Variants in SH3TC2 observed in about 807,000 individuals in gnomAD.
SH3TC2 encodes the protein SH3 domain and tetratricopeptide repeat-containing protein 2.
SH3TC2 carries 87 observed loss-of-function variants against 124.5 expected under a neutral mutation model. The ratio of observed to expected loss-of-function variants is 0.70; its 90% CI spans 0.59 to 0.84. The LOEUF (loss-of-function observed/expected upper bound fraction) is 0.84. SH3TC2 is among the 40% of genes least tolerant of loss of function. The pLI, the probability that SH3TC2 is intolerant of heterozygous loss-of-function variation, is 0.00. For missense variants in SH3TC2, 1,536 were observed against 1,566.4 expected, an observed-to-expected ratio of 0.98 and a Z score of 0.33; for synonymous variants, 634 against 628.5, an observed-to-expected ratio of 1.01 and a Z score of -0.13.
At chr5:149,031,030 C>G (rs1173889789) in intron 9 of SH3TC2, among the ~76,000 whole-genome samples, 1 of 152,176 alleles carries the variant, frequency 6.6e-6, no homozygotes, top group Admixed American at 6.5e-5. Context: ...ACTAACACAC[C>G]CAACAACTCA....
chr5:149,019,922 G>C (rs1753939419), intron 12 of SH3TC2, among the ~76,000 whole-genome samples: 1 of 152,154 alleles, frequency 6.6e-6, no homozygotes, highest in Non-Finnish European at 1.5e-5. Context: ...AACTGTTACT[G>C]TTTGATCTGT....
chr5:149,028,700 T>C lies in SH3TC2; in HGVS notation c.1154A>G (p.Gln385Arg). 1 of 1,614,204 alleles carries C rather than the reference T, an allele frequency of 6.2e-7. No individual in the cohort carries two copies. The highest frequency in any genetic ancestry group is 8.5e-7 in the Non-Finnish European group (1 of 1,180,034). ...ACCACTCAGATCATTTGGAGGATTC[T>C]GGATGGATTCAAACCCACCTAAGTA... ...VYRLSGFESI[Q>R]NPPNDLSASQ... is the part of the protein sequence containing the mutation. The change falls in exon 10 of 17, where the codon CAG becomes CGG. Residue 385 changes from glutamine (Q) to arginine (R), a missense_variant. Gln to Arg is a conservative substitution (Grantham distance 43, BLOSUM62 1). Around this residue, in one of 3 missense-constraint regions of SH3TC2, gnomAD observed 1,102 missense variants for 1,098.6 expected, o/e 1.00. Coordinates refer to ENST00000515425, the MANE Select transcript of SH3TC2 (RefSeq NM_024577.4).
At chr5:149,020,628 A>G (rs1230496926) in intron 12 of SH3TC2, among the ~76,000 whole-genome samples, 1 of 152,224 alleles carries the variant, frequency 6.6e-6, no homozygotes. Context: ...AAAAGTATAG[A>G]CCACATTAAC....
At chr5:149,044,060 G>T (rs114348392) in intron 4 of SH3TC2, 2,855 of 172,336 alleles carry the variant, frequency 0.017, 34 homozygotes, top group Non-Finnish European at 0.024. Context: ...TGCAGCCTTA[G>T]GTTGCTATAA....
In SH3TC2 at chr5:149,008,989, G is replaced by C. The variant is rs757935041; in HGVS notation, c.3340C>G (p.Pro1114Ala). 11 of 1,614,052 alleles carry C rather than the reference G, an allele frequency of 6.8e-6. No individual in the cohort carries two copies. The highest frequency in any genetic ancestry group is 9.3e-6 in the Non-Finnish European group (11 of 1,180,044). ...ACCGCCTTCAACCTCCTTGCTAAAG[G>C]AACAGCTCCAGCCTAGGAACAGAAG... is the stretch of plus-strand genomic sequence containing the variant. ...AVEYYRAGAV[P>A]LARRLKAVRT... Residue 1114 changes from proline (P) to alanine (A), a missense_variant, in exon 15 of 17, where the codon CCT becomes GCT. By Grantham distance (27) the Pro-to-Ala change is conservative. Transcript: ENST00000515425.
intron 1 of SH3TC2, chr5:149,062,478 ACT>A: frequency 2.1e-6 from 1 of 473,638 alleles, no homozygotes. Flanking sequence ...TGATGCACAC[ACT>A]CACACATGCA....
intron 4 of SH3TC2, among the ~76,000 whole-genome samples, chr5:149,043,285 C>A (rs1436907003): frequency 1.3e-5 from 2 of 152,166 alleles, no homozygotes; most frequent in Non-Finnish European, 2.9e-5. Flanking sequence ...CAGTGAATTT[C>A]AGGAGTCAGG....
At chr5:149,030,675 G>A (rs570536105) in intron 9 of SH3TC2, among the ~76,000 whole-genome samples, 7 of 152,356 alleles carry the variant, frequency 4.6e-5, no homozygotes, top group Middle Eastern at 3.4e-3. Context: ...CTTTATGCAC[G>A]GACATAGCTC....
intron 1 of SH3TC2, 44 bp from the exon 2 acceptor site, chr5:149,052,284 G>T: frequency 6.8e-7 from 1 of 1,467,220 alleles, no homozygotes; most frequent in Non-Finnish European, 9.5e-7. Flanking sequence ...GTGTAAGGAA[G>T]TTGAAAGCAA....
intron 1 of SH3TC2, among the ~76,000 whole-genome samples, chr5:149,062,152 T>C (rs894500512): frequency 2.0e-5 from 3 of 151,962 alleles, no homozygotes; most frequent in Non-Finnish European, 4.4e-5. Context: ...CTAACAAGGG[T>C]TAGGAATGAT....
At chr5:149,006,839 T>C (rs528264910) in intron 16 of SH3TC2, 42 bp downstream of exon 16, 20 of 1,585,000 alleles carry the variant, frequency 1.3e-5, no homozygotes, top group Non-Finnish European at 1.7e-5. Flanking sequence ...GGAGAATGGT[T>C]GGGTGGTGGC....
At chr5:149,007,219 G>T in intron 15 of SH3TC2, 142 bp from the exon 16 acceptor site, 1 of 751,180 alleles carries the variant, frequency 1.3e-6, no homozygotes, top group Non-Finnish European at 2.4e-6. Flanking sequence ...CAGAAGAGGT[G>T]CCTGTACTCA....
At position 149,027,041 on chromosome 5, in the gene SH3TC2, G is replaced by C. The variant is rs73795753; in HGVS notation, c.2691C>G (p.Asn897Lys). The change falls in exon 11 of 17, where the codon AAC becomes AAG. Residue 897 changes from asparagine to lysine, a missense_variant. By Grantham distance (94) the Asn-to-Lys change is moderately conservative. Around this residue, in one of 3 missense-constraint regions of SH3TC2, gnomAD observed 1,102 missense variants for 1,098.6 expected, o/e 1.00. Transcript: ENST00000515425. ...LKSWAQHPAR[N>K]YLLQAVRLYC... ...AGAGTCGTACAGCCTGCAGGAGATA[G>C]TTTCTGGCTGGATGCTGAGCCCAGG... 8.9e-4 allele frequency: 1,432 copies of C among 1,614,204 alleles called. 11 individuals are homozygous for C. In the African/African-American group the frequency reaches 0.017, roughly 19 times the overall value.
chr5:149,051,790 C>T (rs1327380923), intron 2 of SH3TC2, among the ~76,000 whole-genome samples: 1 of 152,140 alleles, frequency 6.6e-6, no homozygotes, highest in African/African-American at 2.4e-5. Context: ...TGAGCAGCAA[C>T]AACGTATGAA....
At chr5:149,045,716 G>A (rs1016123067) in intron 3 of SH3TC2, 4 of 168,322 alleles carry the variant, frequency 2.4e-5, no homozygotes, top group South Asian at 2.3e-4. Context: ...GCGCAATCTC[G>A]GCTCACTGCA....
intron 8 of SH3TC2, among the ~76,000 whole-genome samples, chr5:149,033,226 C>T (rs1754227183): frequency 6.6e-6 from 1 of 151,880 alleles, no homozygotes; most frequent in Non-Finnish European, 1.5e-5. Flanking sequence ...AGTTCCAGGA[C>T]AACTTACGAG....
At chr5:149,053,559 CA>C (rs1365585375) in intron 1 of SH3TC2, among the ~76,000 whole-genome samples, 1 of 152,218 alleles carries the variant, frequency 6.6e-6, no homozygotes, top group Non-Finnish European at 1.5e-5. Flanking sequence ...TGAACAGGAT[CA>C]TTTTTCAGTT....
intron 14 of SH3TC2, 137 bp from the exon 15 acceptor site, chr5:149,009,138 C>T: frequency 2.0e-6 from 2 of 1,012,042 alleles, no homozygotes; most frequent in Non-Finnish European, 3.1e-6. Flanking sequence ...CCATGTTTCC[C>T]TGTGTGCCTT....
intron 1 of SH3TC2, among the ~76,000 whole-genome samples, chr5:149,053,649 C>G (rs1754593426): frequency 6.6e-6 from 1 of 152,214 alleles, no homozygotes; most frequent in Admixed American, 6.5e-5. Context: ...GAGCACAAAT[C>G]AAATCTTCCC....
Sources: gnomAD v4.1 joint callset for allele counts (sites outside exome capture counted in the v4.1 genomes callset) on GRCh38, gnomAD v4.1.1 for gene constraint, gnomAD v4.1.1 regional missense constraint, MANE v1.5 for transcripts, NCBI Gene and HGNC (gene_info 2026-07-23, HGNC 2026-07-21) for gene names.